The following ZNF506 variants were observed in gnomAD, a reference collection of about 807,000 sequenced individuals.
ZNF506 encodes the protein zinc finger protein 506.
In ZNF506, 10 loss-of-function variants were observed where a neutral mutation model predicts 11.6. The observed-to-expected ratio is 0.86, with a 90% CI of 0.53 to 1.46. The LOEUF is 1.46. Among genes scored for constraint, ZNF506 ranks in the 40% most tolerant of loss-of-function variants. The pLI, the probability that ZNF506 is intolerant of heterozygous loss-of-function variation, is 0.00. For missense variants in ZNF506, 425 were observed against 521.2 expected (o/e 0.82, Z 1.80); for synonymous variants, 156 against 173.3 (o/e 0.90, Z 0.78).
chr19:19,800,411 T>TATATATATATATATATATATATAA (rs1555771284), intron 3 of ZNF506, among the ~76,000 whole-genome samples: 1 of 146,842 alleles, frequency 6.8e-6, no homozygotes, highest in African/African-American at 2.5e-5. Flanking sequence ...TATATATATA[T>TATATATATATATATATATATATAA]ATTTATATAT....
chr19:19,804,753 A>C (rs2062822305), intron 3 of ZNF506, among the ~76,000 whole-genome samples: 1 of 152,240 alleles, frequency 6.6e-6, no homozygotes, highest in African/African-American at 2.4e-5. Flanking sequence ...CTATGCAGCC[A>C]CAAAAAAGGA....
Position 19,810,625 on chromosome 19 carries a change from A to C in ZNF506, c.4-3557T>G, listed in dbSNP as rs1472425094. On this transcript the variant is annotated intron_variant, in intron 1 of 3. Transcript: ENST00000540806. The stretch of plus-strand genomic sequence containing the variant: ...GAAGAGATATAGAAGGAAGAGTTTA[A>C]TGTATTATAGAGATAATTTTATTCT... 7.2e-5 allele frequency among the ~76,000 whole-genome samples: 11 copies of C among 152,028 alleles called. No individual in the cohort carries two copies. In the East Asian group the frequency reaches 1.9e-3, roughly 27 times the overall value.
chr19:19,808,705 T>C (rs1454388157), intron 1 of ZNF506, among the ~76,000 whole-genome samples: 1 of 151,310 alleles, frequency 6.6e-6, no homozygotes, highest in Non-Finnish European at 1.5e-5. Flanking sequence ...TAGCCGGGCG[T>C]GGTGGCGGGC....
chr19:19,814,977 G>C (rs1252505913), intron 1 of ZNF506, among the ~76,000 whole-genome samples: 1 of 152,210 alleles, frequency 6.6e-6, no homozygotes, highest in Non-Finnish European at 1.5e-5. Context: ...GCCATTGTGG[G>C]CCGGGCGCTG....
intron 3 of ZNF506, 172 bp from the exon 4 acceptor site, chr19:19,795,832 A>C: frequency 1.5e-6 from 1 of 660,450 alleles, no homozygotes; most frequent in Non-Finnish European, 2.4e-6. Flanking sequence ...TACTGACCAA[A>C]ATACATTTGT....
intron 1 of ZNF506, among the ~76,000 whole-genome samples, chr19:19,814,996 G>C (rs2062918087): frequency 6.6e-6 from 1 of 152,148 alleles, no homozygotes; most frequent in Non-Finnish European, 1.5e-5. Context: ...TGTGGCTCAT[G>C]CCTGTAATCC....
intron 3 of ZNF506, chr19:19,798,260 A>G (rs993023342): frequency 1.3e-5 from 2 of 152,202 alleles, no homozygotes; most frequent in African/African-American, 4.8e-5. Flanking sequence ...AATAATGAGG[A>G]ATTTCTGTAT....
intron 1 of ZNF506, among the ~76,000 whole-genome samples, chr19:19,817,700 A>T (rs1489450497): frequency 6.6e-6 from 1 of 152,280 alleles, no homozygotes; most frequent in African/African-American, 2.4e-5. Context: ...CATTAGCCTT[A>T]GCTTGGAGTC....
intron 3 of ZNF506, among the ~76,000 whole-genome samples, chr19:19,804,466 C>T (rs896431154): frequency 8.5e-5 from 13 of 152,198 alleles, no homozygotes; most frequent in African/African-American, 2.7e-4. Context: ...GAAACAGGAA[C>T]GCTTTTACAC....
At position 19,795,595 on chromosome 19, in the gene ZNF506, C is replaced by A. The variant is rs948341808; in HGVS notation, c.292G>T (p.Val98Leu). The A allele has an allele frequency of 2.6e-6, 4 of 1,565,000 alleles. No homozygotes were observed. The highest frequency in any genetic ancestry group is 1.2e-5 in the South Asian group (1 of 81,626). Residue 98 changes from valine (V) to leucine (L), a missense_variant, in exon 4 of 4, where the codon GTG becomes TTG. Transcript: ENST00000540806. Reference sequence around the variant, plus strand: ...CATTTTTCATATCTTCTTAGTATCACTTTTTGGAAAGAATCTTTTATGCTC... The same window carrying A: ...CATTTTTCATATCTTCTTAGTATCAATTTTTGGAAAGAATCTTTTATGCTC... ...EQSIKDSFQK[V>L]ILRRYEKCRH...
chr19:19,795,150 GT>G lies in ZNF506; in HGVS notation c.736del (p.Thr246HisfsTer4), dbSNP rs2062728969. The G allele has an allele frequency of 3.7e-6, 6 of 1,606,602 alleles. No individual in the cohort carries two copies. The highest frequency in any genetic ancestry group is 5.1e-6 in the Non-Finnish European group (6 of 1,177,116). Reference sequence around the variant, plus strand: ...CTCTCCAGTATGAATTATCTTATGTGTAGTAAGGTTACAGGACTGCTTATAG... The same window carrying G: ...CTCTCCAGTATGAATTATCTTATGTGAGTAAGGTTACAGGACTGCTTATAG... ...KAYKQSCNLT[T>X]HKIIHTGEKP... On this transcript the variant is annotated frameshift_variant, in exon 4 of 4. Transcript: ENST00000540806. LOFTEE classifies it low-confidence loss of function (END_TRUNC).
Position 19,795,038 on chromosome 19 carries a change from T to C in ZNF506, c.849A>G (p.Lys283=), listed in dbSNP as rs763617603. Residue 283 remains lysine, a synonymous_variant, in exon 4 of 4, where the codon AAA becomes AAG. Transcript: ENST00000540806. ...TGCCACATTTATCACACTTGTATGG[T>C]TTCTCTCCAGTATGAATTTTCTTAT... ...FSHKKIHTGE[K]PYKCDKCGKA... The C allele has an allele frequency of 2.1e-5, 34 of 1,613,716 alleles. No individual in the cohort carries two copies. In the South Asian group the frequency reaches 3.6e-4, roughly 17 times the overall value.
rs1190753446 is a variant in ZNF506, at chr19:19,794,952, G to C, written c.935C>G (p.Pro312Arg). 4 of 1,613,868 alleles carry C rather than the reference G, an allele frequency of 2.5e-6. No homozygotes were observed. Among genetic ancestry groups the C allele is most frequent in the African/African-American group, 1.3e-5 (1 of 75,024 alleles). The change falls in exon 4 of 4, where the codon CCC becomes CGC. Residue 312 changes from proline to arginine, a missense_variant. Physicochemically the swap from Pro to Arg is moderately radical, Grantham distance 103. Coordinates refer to ENST00000540806, the MANE Select transcript of ZNF506 (RefSeq NM_001099269.3). ...KHEIIHTGEK[P>R]YKCEECGKAF... ...TTTGCCACATTCCTCACATTTGTAG[G>C]GTTTCTCTCCAGTATGAATTATCTC...
At position 19,806,926 on chromosome 19, in the gene ZNF506, C is replaced by T. The variant is rs904161336; in HGVS notation, c.130+16G>A. On this transcript the variant is annotated intron_variant, in intron 2 of 3. Transcript: ENST00000540806. The stretch of plus-strand genomic sequence containing the variant: ...TTAGAGTAATATTATGAATTATGTA[C>T]TCAAGTTATCCTCACCAAGGAAGAT... 35 of 1,608,034 alleles carry T rather than the reference C, an allele frequency of 2.2e-5. No individual in the cohort carries two copies. The highest frequency in any genetic ancestry group is 1.3e-5 in the Non-Finnish European group (15 of 1,178,034).
intron 1 of ZNF506, chr19:19,820,162 A>C (rs1009165093): frequency 6.6e-6 from 1 of 152,008 alleles, no homozygotes; most frequent in Non-Finnish European, 1.5e-5. Flanking sequence ...CATGTGAAAA[A>C]CGCCAGGGAA....
chr19:19,799,409 G>A, intron 3 of ZNF506: 1 of 665,462 alleles, frequency 1.5e-6, no homozygotes, highest in South Asian at 1.7e-5. Flanking sequence ...AGGATACATA[G>A]CCTTCTCAAT....
At chr19:19,809,730 C>CA (rs1284106242) in intron 1 of ZNF506, among the ~76,000 whole-genome samples, 1 of 152,136 alleles carries the variant, frequency 6.6e-6, no homozygotes, top group East Asian at 1.9e-4. Context: ...CAGACACCAG[C>CA]AATTTCTGCT....
At chr19:19,803,048 G>A (rs939323261) in intron 3 of ZNF506, among the ~76,000 whole-genome samples, 2 of 152,180 alleles carry the variant, frequency 1.3e-5, no homozygotes, top group African/African-American at 4.8e-5. Context: ...AGGGAGTTGT[G>A]AAATGCTGTT....
At chr19:19,817,853 C>T (rs1201287869) in intron 1 of ZNF506, among the ~76,000 whole-genome samples, 15 of 131,850 alleles carry the variant, frequency 1.1e-4, no homozygotes, top group African/African-American at 3.6e-4. Context: ...TTTTTTGAGA[C>T]GGTCTTGCTC....
Sources: gnomAD v4.1 joint callset for allele counts (sites outside exome capture counted in the v4.1 genomes callset) on GRCh38, gnomAD v4.1.1 for gene constraint, MANE v1.5 for transcripts, NCBI Gene and HGNC (gene_info 2026-07-23, HGNC 2026-07-21) for gene names.